Variants in BLVRA observed in about 807,000 individuals in gnomAD.
BLVRA encodes BVR A.
A neutral mutation model predicts 32.8 loss-of-function variants in BLVRA; 22 were observed. The ratio of observed to expected loss-of-function variants is 0.67; its 90% confidence interval spans 0.48 to 0.96. BLVRA has a LOEUF of 0.96. BLVRA is among the 40% of genes least tolerant of loss of function. The pLI is 0.00. For synonymous variants in BLVRA, 119 were observed against 141.3 expected, an observed-to-expected ratio of 0.84 and a Z score of 1.12; for missense variants, 323 against 358.1, an observed-to-expected ratio of 0.90 and a Z score of 0.79.
At chr7:43,759,107 G>A (rs748390150) in intron 1 of BLVRA, among the ~76,000 whole-genome samples, 24 of 152,230 alleles carry the variant, frequency 1.6e-4, no homozygotes, top group Non-Finnish European at 2.8e-4. Flanking sequence ...GAGCGCGAGC[G>A]GCTGGGCCCG....
Position 43,771,131 on chromosome 7 carries a change from T to C in BLVRA, c.-21-7T>C. 1 of 1,614,026 alleles carries C rather than the reference T, an allele frequency of 6.2e-7. No homozygotes were observed. Among genetic ancestry groups the C allele is most frequent in the South Asian group, 1.1e-5 (1 of 91,074 alleles). On this transcript the variant is annotated splice_polypyrimidine_tract_variant and splice_region_variant and intron_variant, in intron 1 of 7. Transcript: ENST00000265523. ...AGGGACCTGAACCTCTGCTTTTGTC[T>C]TTACAGTGACCGAAGGAAGAGACCA...
intron 2 of BLVRA, among the ~76,000 whole-genome samples, chr7:43,780,674 A>G (rs2095767940): frequency 6.6e-6 from 1 of 152,070 alleles, no homozygotes; most frequent in Non-Finnish European, 1.5e-5. Flanking sequence ...TTCCTGACAC[A>G]TTGCCTCTGT....
chr7:43,799,923 CA>C (rs1757626787), intron 5 of BLVRA, among the ~76,000 whole-genome samples: 2 of 152,138 alleles, frequency 1.3e-5, no homozygotes, highest in Admixed American at 6.6e-5. Context: ...ATTTTCATTT[CA>C]TTTCTCAGGT....
At chr7:43,759,103 G>C (rs372668113) in intron 1 of BLVRA, among the ~76,000 whole-genome samples, 1 of 152,232 alleles carries the variant, frequency 6.6e-6, no homozygotes, top group Non-Finnish European at 1.5e-5. Flanking sequence ...CCAGGAGCGC[G>C]AGCGGCTGGG....
At chr7:43,779,397 G>A (rs1232467192) in intron 2 of BLVRA, among the ~76,000 whole-genome samples, 1 of 152,178 alleles carries the variant, frequency 6.6e-6, no homozygotes, top group Non-Finnish European at 1.5e-5. Flanking sequence ...TTGCAGTCTG[G>A]TTTCTTTTCC....
intron 2 of BLVRA, among the ~76,000 whole-genome samples, chr7:43,772,920 A>G (rs2095756198): frequency 6.6e-6 from 1 of 152,082 alleles, no homozygotes; most frequent in East Asian, 1.9e-4. Context: ...TAACCATATC[A>G]CCTAGTGACG....
chr7:43,778,575 G>T (rs1042915454), intron 2 of BLVRA, among the ~76,000 whole-genome samples: 2 of 152,226 alleles, frequency 1.3e-5, no homozygotes, highest in South Asian at 4.1e-4. Flanking sequence ...CCTACTTGGG[G>T]GTGCCTCCCA....
At chr7:43,780,268 G>A (rs1225089000) in intron 2 of BLVRA, among the ~76,000 whole-genome samples, 1 of 152,102 alleles carries the variant, frequency 6.6e-6, no homozygotes, top group Non-Finnish European at 1.5e-5. Context: ...CCTCCTCGAA[G>A]GGCCATCTGT....
chr7:43,800,982 AAAT>A (rs908941027), intron 6 of BLVRA, among the ~76,000 whole-genome samples: 3 of 152,046 alleles, frequency 2.0e-5, no homozygotes, highest in Non-Finnish European at 4.4e-5. Flanking sequence ...TATTTATAAT[AAAT>A]AATAAATATT....
intron 5 of BLVRA, among the ~76,000 whole-genome samples, chr7:43,796,770 A>G (rs2095793313): frequency 1.3e-5 from 2 of 152,252 alleles, no homozygotes; most frequent in African/African-American, 4.8e-5. Context: ...AAAGCAGTCT[A>G]TGTAATGGGT....
chr7:43,806,294 A>T (rs2095804010), intron 7 of BLVRA, among the ~76,000 whole-genome samples: 1 of 152,222 alleles, frequency 6.6e-6, no homozygotes, highest in Non-Finnish European at 1.5e-5. Flanking sequence ...CCTGGGCAAC[A>T]AGAGCAAACA....
chr7:43,782,252 G>A (rs2095770714), intron 2 of BLVRA, among the ~76,000 whole-genome samples: 1 of 152,142 alleles, frequency 6.6e-6, no homozygotes, highest in South Asian at 2.1e-4. Context: ...AAAGTGTAGA[G>A]AAAGGAAATC....
At chr7:43,785,532 C>T (rs986931029) in intron 2 of BLVRA, among the ~76,000 whole-genome samples, 2 of 152,104 alleles carry the variant, frequency 1.3e-5, no homozygotes, top group African/African-American at 4.8e-5. Flanking sequence ...AGGAAACTTG[C>T]AAGGCTGAAG....
chr7:43,778,574 G>A (rs1249296070), intron 2 of BLVRA, among the ~76,000 whole-genome samples: 2 of 152,234 alleles, frequency 1.3e-5, no homozygotes, highest in East Asian at 3.8e-4. Context: ...CCCTACTTGG[G>A]GGTGCCTCCC....
In BLVRA at chr7:43,791,150, G is replaced by A. The variant is rs573565574; in HGVS notation, c.135-99G>A. The stretch of plus-strand genomic sequence containing the variant: ...AGAAGAAACTCATTTCTTCATTTCT[G>A]GCAGCAGATCACCAGGACCTGTCGG... On this transcript the variant is annotated intron_variant, in intron 3 of 7. Transcript: ENST00000265523. The A allele has an allele frequency of 4.3e-5, 67 of 1,575,184 alleles. No individual in the cohort carries two copies. In the South Asian group the frequency reaches 7.3e-4, roughly 17 times the overall value.
intron 7 of BLVRA, among the ~76,000 whole-genome samples, chr7:43,806,405 A>C (rs1168917137): frequency 2.0e-5 from 3 of 152,158 alleles, no homozygotes; most frequent in African/African-American, 7.2e-5. Context: ...CTTTGTTGCC[A>C]TCTCCCAGAA....
intron 2 of BLVRA, among the ~76,000 whole-genome samples, chr7:43,785,636 G>C (rs1275786659): frequency 6.6e-6 from 1 of 152,216 alleles, no homozygotes; most frequent in Non-Finnish European, 1.5e-5. Flanking sequence ...CAGGCTCTGT[G>C]AATCACTCTT....
At chr7:43,804,320 AG>A (rs2095801919) in intron 7 of BLVRA, among the ~76,000 whole-genome samples, 1 of 152,200 alleles carries the variant, frequency 6.6e-6, no homozygotes, top group Admixed American at 6.5e-5. Flanking sequence ...GCATGCCTGC[AG>A]TCCCAGCTCC....
chr7:43,784,161 G>C (rs1364041984), intron 2 of BLVRA, among the ~76,000 whole-genome samples: 1 of 152,136 alleles, frequency 6.6e-6, no homozygotes, highest in Non-Finnish European at 1.5e-5. Context: ...AACTGCTCCT[G>C]TTCTTTGTTC....
Sources: gnomAD v4.1 joint callset for allele counts (sites outside exome capture counted in the v4.1 genomes callset) on GRCh38, gnomAD v4.1.1 for gene constraint, MANE v1.5 for transcripts, NCBI Gene and HGNC (gene_info 2026-07-23, HGNC 2026-07-21) for gene names.